The following ARF3 variants were observed in gnomAD, a reference collection of about 807,000 sequenced individuals.
The protein encoded by ARF3 is ADP-ribosylation factor 3.
In ARF3, 5 loss-of-function variants were observed where a neutral mutation model predicts 19.3. That is an observed-to-expected ratio of 0.26 (90% CI 0.14 to 0.54). The LOEUF (loss-of-function observed/expected upper bound fraction) is 0.54, where lower values mean the gene tolerates loss of function less well. ARF3 is among the 20% of genes least tolerant of loss of function. The pLI is 0.95. For synonymous variants in ARF3, 71 were observed against 89.2 expected, an observed-to-expected ratio of 0.80 and a Z score of 1.15; for missense variants, 77 against 234.2, an observed-to-expected ratio of 0.33 and a Z score of 4.38.
chr12:48,954,522 A>C (rs1940526135), intron 1 of ARF3, among the ~76,000 whole-genome samples: 2 of 152,206 alleles, frequency 1.3e-5, no homozygotes, highest in African/African-American at 4.8e-5. Context: ...TTCTACTGAC[A>C]ACCAAAAAAA....
chr12:48,951,740 G>A (rs986055275), intron 1 of ARF3, among the ~76,000 whole-genome samples: 4 of 151,988 alleles, frequency 2.6e-5, no homozygotes, highest in East Asian at 1.9e-4. Flanking sequence ...TTAGCCAGGC[G>A]TGGTGGCGCA....
intron 1 of ARF3, chr12:48,956,898 G>A (rs1299154003): frequency 7.5e-6 from 1 of 132,578 alleles, no homozygotes; most frequent in African/African-American, 2.5e-5. Context: ...TTGCTAAGGT[G>A]GGGGAGGGAG....
intron 1 of ARF3, among the ~76,000 whole-genome samples, chr12:48,942,243 G>GC (rs1219411894): frequency 6.8e-6 from 1 of 147,198 alleles, no homozygotes; most frequent in East Asian, 2.0e-4. Context: ...CTGCCTCAAA[G>GC]CTTTTTTTTT....
At chr12:48,944,413 A>G (rs1565708096) in intron 1 of ARF3, among the ~76,000 whole-genome samples, 1 of 152,236 alleles carries the variant, frequency 6.6e-6, no homozygotes, top group Non-Finnish European at 1.5e-5. Context: ...GGCATGCCAC[A>G]TCAAGGCCTT....
chr12:48,939,126 C>A lies in ARF3; in HGVS notation c.385-18G>T. The A allele has an allele frequency of 6.2e-7, 1 of 1,604,514 alleles. No homozygotes were observed. Among genetic ancestry groups the A allele is most frequent in the South Asian group, 1.1e-5 (1 of 90,454 alleles). On this transcript the variant is annotated intron_variant, in intron 4 of 4. Transcript: ENST00000256682. The surrounding 1 kb of genome is among the most constrained non-coding windows in gnomAD (Gnocchi z 4.8). Reference sequence around the variant, plus strand: ...GGCAGATCCTGGAGCACGTGGGAGACACATAAAAAGAAGCCTCAGGATTTT... The same window carrying A: ...GGCAGATCCTGGAGCACGTGGGAGAAACATAAAAAGAAGCCTCAGGATTTT...
At chr12:48,955,087 C>T (rs1033062037) in intron 1 of ARF3, among the ~76,000 whole-genome samples, 1 of 152,198 alleles carries the variant, frequency 6.6e-6, no homozygotes, top group African/African-American at 2.4e-5. Flanking sequence ...GAAGTTCCTC[C>T]TTCTAACCAA....
At chr12:48,950,594 A>C (rs1269205054) in intron 1 of ARF3, among the ~76,000 whole-genome samples, 1 of 152,134 alleles carries the variant, frequency 6.6e-6, no homozygotes, top group East Asian at 1.9e-4. Context: ...ACTGTAGTGT[A>C]ACTATCACAA....
Position 48,957,378 on chromosome 12 carries a change from T to G in ARF3, c.-162A>C, listed in dbSNP as rs1940591776. ...CCCGCAGGTTCCGCTCCGCTCCCTC[T>G]GGCTCCCCAAGCCGACTTCAGCCCG... is the stretch of plus-strand genomic sequence containing the variant. On this transcript the variant is annotated 5_prime_UTR_variant, in exon 1 of 5. Coordinates refer to ENST00000256682, the MANE Select transcript of ARF3 (RefSeq NM_001659.3). The G allele has an allele frequency of 6.5e-6, 1 of 154,712 alleles. No individual in the cohort carries two copies. The highest frequency in any genetic ancestry group is 6.5e-5 in the Admixed American group (1 of 15,310). 9.6% of individuals were successfully genotyped at this position (154,712 alleles called of 1,614,324 possible). A position where few individuals can be genotyped will look rare whatever the true frequency, so the allele number is the denominator to read the frequency against.
At chr12:48,950,940 A>G (rs1487580090) in intron 1 of ARF3, among the ~76,000 whole-genome samples, 1 of 151,964 alleles carries the variant, frequency 6.6e-6, no homozygotes, top group African/African-American at 2.4e-5. Context: ...GGCACCTGCC[A>G]CCACGCCCGG....
chr12:48,953,729 T>G (rs1940509557), intron 1 of ARF3, among the ~76,000 whole-genome samples: 1 of 152,210 alleles, frequency 6.6e-6, no homozygotes, highest in African/African-American at 2.4e-5. Flanking sequence ...TCTAACACAT[T>G]CATGAAATCC....
At chr12:48,950,541 C>T (rs1431240887) in intron 1 of ARF3, among the ~76,000 whole-genome samples, 3 of 152,110 alleles carry the variant, frequency 2.0e-5, no homozygotes, top group Admixed American at 1.3e-4. Flanking sequence ...CCATTCTAAC[C>T]ATTTTTTTAA....
intron 1 of ARF3, among the ~76,000 whole-genome samples, chr12:48,954,674 G>A (rs1036288172): frequency 3.6e-4 from 55 of 152,164 alleles, no homozygotes; most frequent in African/African-American, 1.2e-3. Flanking sequence ...CTGATTCCAA[G>A]ATCCACTCTT....
intron 1 of ARF3, among the ~76,000 whole-genome samples, chr12:48,952,961 C>T (rs1293758192): frequency 1.3e-5 from 2 of 152,234 alleles, no homozygotes; most frequent in Non-Finnish European, 2.9e-5. Flanking sequence ...GGCCAGCCAT[C>T]TCAGATTTCA....
rs1940167176 is a variant in ARF3, at chr12:48,937,484, C to T, written c.*1463G>A. On this transcript the variant is annotated 3_prime_UTR_variant, in exon 5 of 5. Transcript: ENST00000256682. ...AGTAGCAACAGCTTCTGAACAACTACATAATAATGCGGGGAGAATCCTGAA... is the reference window on the plus strand; with the variant it reads ...AGTAGCAACAGCTTCTGAACAACTATATAATAATGCGGGGAGAATCCTGAA... 6.6e-6 allele frequency: 1 copy of T among 152,446 alleles called. No individual in the cohort carries two copies. Among genetic ancestry groups the T allele is most frequent in the South Asian group, 2.1e-4 (1 of 4,838 alleles). The allele number at this position is 152,446 out of a possible 1,614,324, so 9.4% of individuals were successfully genotyped here.
intron 1 of ARF3, among the ~76,000 whole-genome samples, chr12:48,948,209 A>AG (rs1025223474): frequency 1.3e-5 from 2 of 151,418 alleles, no homozygotes; most frequent in Non-Finnish European, 2.9e-5. Flanking sequence ...TATGTCTCAA[A>AG]AAAAAGAAAA....
chr12:48,941,785 G>T (rs1021685700), intron 1 of ARF3, among the ~76,000 whole-genome samples: 4 of 152,168 alleles, frequency 2.6e-5, no homozygotes, highest in Admixed American at 6.5e-5. Flanking sequence ...AAAAGAAGCC[G>T]ATCCTTTACA....
intron 1 of ARF3, among the ~76,000 whole-genome samples, chr12:48,953,485 C>G (rs1435564698): frequency 6.6e-6 from 1 of 152,096 alleles, no homozygotes; most frequent in African/African-American, 2.4e-5. Flanking sequence ...TAAGCTCATG[C>G]TGAAGTTTAA....
At chr12:48,946,347 A>ACCATGAATTGTTTCT (rs2137585891) in intron 1 of ARF3, among the ~76,000 whole-genome samples, 1 of 152,294 alleles carries the variant, frequency 6.6e-6, no homozygotes, top group South Asian at 2.1e-4. Context: ...AAGCAAACAA[A>ACCATGAATTGTTTCT]CCATGAATTG....
At chr12:48,940,913 C>T (rs747694151) in intron 2 of ARF3, 35 bp downstream of exon 2, 34 of 1,525,196 alleles carry the variant, frequency 2.2e-5, no homozygotes, top group Middle Eastern at 1.9e-4. Flanking sequence ...CCTCAGCTGC[C>T]GGCGTGAAAG....
Sources: allele counts gnomAD v4.1 joint callset (sites outside exome capture counted in the v4.1 genomes callset), GRCh38; gene constraint gnomAD v4.1.1; non-coding constraint Gnocchi (gnomAD v3.1); transcripts MANE v1.5; gene names NCBI Gene and HGNC (gene_info 2026-07-23, HGNC 2026-07-21).